The following SEMA4B variants were observed in gnomAD, a reference collection of about 807,000 sequenced individuals.
SEMA4B encodes the protein semaphorin 4B.
In SEMA4B, 55 loss-of-function variants were observed where a neutral mutation model predicts 88.1. That is an observed-to-expected ratio of 0.62 (90% CI 0.50 to 0.78). The LOEUF (loss-of-function observed/expected upper bound fraction) is 0.78, where lower values mean the gene tolerates loss of function less well. SEMA4B is among the 30% of genes least tolerant of loss of function. The pLI is 0.00. For synonymous variants in SEMA4B, 525 were observed against 473.6 expected, an observed-to-expected ratio of 1.11 and a Z score of -1.41; for missense variants, 1,062 against 1,111.9, an observed-to-expected ratio of 0.96 and a Z score of 0.64.
chr15:90,208,195 A>C (rs1171085110), intron 1 of SEMA4B, among the ~76,000 whole-genome samples: 1 of 152,010 alleles, frequency 6.6e-6, no homozygotes, highest in Non-Finnish European at 1.5e-5. Context: ...CAGGGGTTGC[A>C]GTGAGCCGAG....
chr15:90,220,850 C>G, intron 4 of SEMA4B, 132 bp from the exon 5 acceptor site: 1 of 650,974 alleles, frequency 1.5e-6, no homozygotes, highest in Non-Finnish European at 2.8e-6. Flanking sequence ...GTCCCTGACA[C>G]CTGACCCCTT....
intron 1 of SEMA4B, among the ~76,000 whole-genome samples, chr15:90,210,735 A>C (rs56388839): frequency 0.3 from 45,039 of 151,798 alleles, 7,215 homozygotes; most frequent in Middle Eastern, 0.4. Flanking sequence ...TACCTAGAGG[A>C]CGGGGTGGCG....
chr15:90,198,905 T>C (rs971250082), upstream of SEMA4B, among the ~76,000 whole-genome samples: 3 of 152,318 alleles, frequency 2.0e-5, no homozygotes, highest in Middle Eastern at 6.8e-3. Context: ...TCTTGCTCTG[T>C]AGCCCAGGCT....
At position 90,228,457 on chromosome 15, in the gene SEMA4B, G is replaced by T. The variant is rs775718931; in HGVS notation, c.2328G>T (p.Gly776=). 3 of 1,610,536 alleles carry T rather than the reference G, an allele frequency of 1.9e-6. No individual in the cohort carries two copies. The highest frequency in any genetic ancestry group is 2.5e-6 in the Non-Finnish European group (3 of 1,178,902). The change falls in exon 14 of 14, where the codon GGG becomes GGT. Residue 776 remains glycine (G), a synonymous_variant. Transcript: ENST00000411539. ...AGACCCGCCCACTCAACGGCCTAGG[G>T]CCCCCTAGCACCCCGCTCGATCACC... is the stretch of plus-strand genomic sequence containing the variant. ...PPETRPLNGL[G]PPSTPLDHRG... is the part of the protein sequence containing the mutation.
chr15:90,221,078 A>T lies in SEMA4B; in HGVS notation c.580A>T (p.Thr194Ser), dbSNP rs367785724. 8.1e-6 allele frequency: 13 copies of T among 1,606,220 alleles called. No individual in the cohort carries two copies. In the African/African-American group the frequency reaches 1.6e-4, roughly 20 times the overall value. ...RCPFDPNFKS[T>S]ALVVDGELYT... ...TCCCTTCGACCCGAATTTCAAGTCC[A>T]CTGCCCTGGTGGTTGGTGAGTGTTG... The change falls in exon 5 of 14, where the codon ACT becomes TCT. Residue 194 changes from threonine (T) to serine (S), a missense_variant. Thr to Ser is a moderately conservative substitution (Grantham distance 58). Coordinates refer to ENST00000411539, the MANE Select transcript of SEMA4B (RefSeq NM_198925.4).
At chr15:90,189,105 GA>G (rs1263009225) in intron 1 of SEMA4B, among the ~76,000 whole-genome samples, 1 of 152,002 alleles carries the variant, frequency 6.6e-6, no homozygotes, top group Admixed American at 6.6e-5. Flanking sequence ...TGTGTTGCAT[GA>G]ATGAAAGAAG....
intron 7 of SEMA4B, among the ~76,000 whole-genome samples, chr15:90,222,773 C>G (rs577668103): frequency 1.1e-4 from 16 of 152,056 alleles, no homozygotes; most frequent in African/African-American, 3.6e-4. Flanking sequence ...ACACTGACCT[C>G]AGAGTTGTTA....
At position 90,227,656 on chromosome 15, in the gene SEMA4B, T is replaced by G; in HGVS notation, c.1774+14T>G. 6.2e-7 allele frequency: 1 copy of G among 1,613,328 alleles called. No individual in the cohort carries two copies. Among genetic ancestry groups the G allele is most frequent in the South Asian group, 1.1e-5 (1 of 91,062 alleles). On this transcript the variant is annotated intron_variant, in intron 13 of 13. Transcript: ENST00000411539. ...TTGTACCAACAGGTGAGGTGCCCCC[T>G]CAAAAGGTGGAGGAGAGAGGTGGGG...
chr15:90,206,803 G>C lies in SEMA4B; in HGVS notation c.157+5068G>C, dbSNP rs1174361379. On this transcript the variant is annotated intron_variant, in intron 1 of 13. Coordinates refer to ENST00000411539, the MANE Select transcript of SEMA4B (RefSeq NM_198925.4). ...CTGAGCACCAAATCAACCTAATTAA[G>C]GTTGATGACAAAAGAAACTGGGGGA... is the stretch of plus-strand genomic sequence containing the variant. The C allele has an allele frequency of 6.7e-6, 5 of 741,860 alleles. No homozygotes were observed. In the Admixed American group the frequency reaches 7.5e-5, roughly 11 times the overall value. 46.0% of individuals were successfully genotyped at this position (741,860 alleles called of 1,614,324 possible). A position where few individuals can be genotyped will look rare whatever the true frequency, so the allele number is the denominator to read the frequency against.
intron 7 of SEMA4B, among the ~76,000 whole-genome samples, chr15:90,223,049 T>A (rs1048779587): frequency 2.0e-5 from 3 of 150,698 alleles, no homozygotes; most frequent in Non-Finnish European, 3.0e-5. Context: ...CACTGCAACC[T>A]CCGCTGCCCA....
intron 1 of SEMA4B, among the ~76,000 whole-genome samples, chr15:90,191,422 T>C (rs142996788): frequency 7.4e-4 from 112 of 152,112 alleles, no homozygotes; most frequent in African/African-American, 2.7e-3. Context: ...CATGGGGAGG[T>C]GAACCAATAA....
At chr15:90,196,075 A>C (rs907358319) in intron 1 of SEMA4B, among the ~76,000 whole-genome samples, 2 of 148,388 alleles carry the variant, frequency 1.3e-5, no homozygotes, top group African/African-American at 5.0e-5. Context: ...GCCCGCCACC[A>C]TGCCTGGCTA....
At chr15:90,201,907 G>A (rs1960762344) in intron 1 of SEMA4B, among the ~76,000 whole-genome samples, 172 bp downstream of exon 1, 1 of 152,242 alleles carries the variant, frequency 6.6e-6, no homozygotes, top group African/African-American at 2.4e-5. Context: ...GAGAGGAGAG[G>A]GGAGCTGTGG....
At chr15:90,220,516 C>T (rs911256221) in intron 4 of SEMA4B, among the ~76,000 whole-genome samples, 40 of 151,734 alleles carry the variant, frequency 2.6e-4, no homozygotes, top group Middle Eastern at 3.4e-3. Context: ...TACAGGTGCC[C>T]GCCACCACGC....
Position 90,225,017 on chromosome 15 carries a change from T to C in SEMA4B, c.1244T>C (p.Leu415Pro). The change falls in exon 10 of 14, where the codon CTC becomes CCC. Residue 415 changes from leucine (L) to proline (P), a missense_variant. Physicochemically the swap from Leu to Pro is moderately conservative, Grantham distance 98. Transcript: ENST00000411539. The part of the protein sequence containing the change: ...RERKINSSLQ[L>P]PDRVLNFLKD... Reference sequence around the variant, plus strand: ...AGGAAGATCAACTCATCCCTGCAGCTCCCAGACCGCGTGCTGAACTTCCTC... The same window carrying C: ...AGGAAGATCAACTCATCCCTGCAGCCCCCAGACCGCGTGCTGAACTTCCTC... The C allele has an allele frequency of 6.2e-7, 1 of 1,613,892 alleles. No individual in the cohort carries two copies.
intron 1 of SEMA4B, among the ~76,000 whole-genome samples, chr15:90,195,613 G>GT (rs1256175564): frequency 4.0e-5 from 6 of 151,288 alleles, no homozygotes; most frequent in Non-Finnish European, 8.8e-5. Context: ...TGTACTTGTT[G>GT]TTTTTTCTTT....
chr15:90,201,304 T>G, upstream of SEMA4B: 1 of 1,136,584 alleles, frequency 8.8e-7, no homozygotes, highest in Non-Finnish European at 1.1e-6. Flanking sequence ...CACGGCCGAC[T>G]TCCTCCTTCA....
At chr15:90,224,945 C>T (rs769163416) in intron 9 of SEMA4B, 23 bp from the exon 10 acceptor site, 102 of 1,607,950 alleles carry the variant, frequency 6.3e-5, no homozygotes, top group Non-Finnish European at 8.3e-5. Flanking sequence ...TGGCTGGCCT[C>T]ACACTGCTGC....
At position 90,228,350 on chromosome 15, in the gene SEMA4B, CG is replaced by C. The variant is rs761480463; in HGVS notation, c.2223del (p.Asn742ThrfsTer3). 6.2e-7 allele frequency: 1 copy of C among 1,601,390 alleles called. No individual in the cohort carries two copies. Among genetic ancestry groups the C allele is most frequent in the Non-Finnish European group, 8.5e-7 (1 of 1,173,354 alleles). On this transcript the variant is annotated frameshift_variant, in exon 14 of 14. Transcript: ENST00000411539. LOFTEE classifies it high-confidence loss of function. Reference protein sequence around the residue: ...LPVLFLLYRHRNSMKVFLKQG... With the variant: ...LPVLFLLYRHXNSMKVFLKQG... The stretch of plus-strand genomic sequence containing the variant: ...AGTTTTATTCTTGCTCTACCGGCAC[CG>C]GAACAGCATGAAAGTCTTCCTGAAG...
Sources: allele counts gnomAD v4.1 joint callset (sites outside exome capture counted in the v4.1 genomes callset), GRCh38; gene constraint gnomAD v4.1.1; transcripts MANE v1.5; gene names NCBI Gene and HGNC (gene_info 2026-07-23, HGNC 2026-07-21).